ST8SIA1: variants seen among roughly 807,000 people sequenced by gnomAD.
The protein encoded by ST8SIA1 is ST8 alpha-N-acetyl-neuraminide alpha-2,8-sialyltransferase 1, also known as alpha-N-acetylneuraminide alpha-2,8-sialyltransferase.
ST8SIA1 carries 16 observed loss-of-function variants against 35.9 expected under a neutral mutation model. The observed-to-expected ratio is 0.45, with a 90% CI of 0.30 to 0.68. The LOEUF (loss-of-function observed/expected upper bound fraction) is 0.68, where lower values mean the gene tolerates loss of function less well. Among genes scored for constraint, ST8SIA1 ranks in the 30% least tolerant of loss-of-function variants. ST8SIA1 has a pLI of 0.09. For synonymous variants in ST8SIA1, 170 were observed against 169.6 expected (o/e 1.00, Z -0.02); for missense variants, 383 against 453.6 (o/e 0.84, Z 1.41).
chr12:22,264,475 T>G (rs901996439), intron 2 of ST8SIA1, among the ~76,000 whole-genome samples: 1 of 152,182 alleles, frequency 6.6e-6, no homozygotes, highest in African/African-American at 2.4e-5. Context: ...AAAAGCAGTT[T>G]TGGTTCTTTC....
chr12:22,304,149 A>G (rs1056654879), intron 1 of ST8SIA1, among the ~76,000 whole-genome samples: 17 of 152,054 alleles, frequency 1.1e-4, no homozygotes, highest in African/African-American at 3.9e-4. Flanking sequence ...AATAACAGCA[A>G]TTTGTTCCAG....
At chr12:22,238,381 A>G (rs1865499990) in intron 4 of ST8SIA1, among the ~76,000 whole-genome samples, 1 of 152,216 alleles carries the variant, frequency 6.6e-6, no homozygotes, top group Non-Finnish European at 1.5e-5. Flanking sequence ...TCTGGAGTCA[A>G]TCATGCTGTG....
At chr12:22,281,250 T>C (rs1274564705) in intron 2 of ST8SIA1, among the ~76,000 whole-genome samples, 1 of 152,216 alleles carries the variant, frequency 6.6e-6, no homozygotes, top group Non-Finnish European at 1.5e-5. Flanking sequence ...CTCATAATAA[T>C]GATACTGAAA....
At chr12:22,270,911 C>T (rs891942897) in intron 2 of ST8SIA1, among the ~76,000 whole-genome samples, 1 of 152,146 alleles carries the variant, frequency 6.6e-6, no homozygotes, top group East Asian at 1.9e-4. Flanking sequence ...TACAGGTGGT[C>T]ACAGATTCAT....
Position 22,289,020 on chromosome 12 carries a change from A to G in ST8SIA1, c.237-1727T>C, listed in dbSNP as rs544807646. Among the ~76,000 whole-genome samples the G allele has an allele frequency of 5.3e-5, 8 of 152,258 alleles. No individual in the cohort carries two copies. In the South Asian group the frequency reaches 8.3e-4, roughly 16 times the overall value. The stretch of plus-strand genomic sequence containing the variant: ...CTCAGCCTCTCAAATGGTTGGGATA[A>G]CAGGCATGTGCCACCATGCCTGGCT... On this transcript the variant is annotated intron_variant, in intron 1 of 4. Transcript: ENST00000396037.
intron 2 of ST8SIA1, among the ~76,000 whole-genome samples, chr12:22,279,335 G>T (rs1229449856): frequency 1.3e-5 from 2 of 152,156 alleles, no homozygotes; most frequent in Non-Finnish European, 1.5e-5. Context: ...TGCCCTTCCA[G>T]GTCCCTGCCT....
At chr12:22,222,651 CT>C (rs1865312796) in intron 4 of ST8SIA1, among the ~76,000 whole-genome samples, 1 of 151,590 alleles carries the variant, frequency 6.6e-6, no homozygotes, top group Non-Finnish European at 1.5e-5. Context: ...TATACATATA[CT>C]TATATACACT....
rs1017434708 is a variant in ST8SIA1, at chr12:22,199,078, A to G, written c.*2474T>C. ...CAAGTTTGTAAACTAAACATTATAT[A>G]TAAATCTACTGCATAAATCTATCCC... is the stretch of plus-strand genomic sequence containing the variant. On this transcript the variant is annotated 3_prime_UTR_variant, in exon 5 of 5. Coordinates refer to ENST00000396037, the MANE Select transcript of ST8SIA1 (RefSeq NM_003034.4). The G allele has an allele frequency of 6.6e-6, 1 of 152,172 alleles. No individual in the cohort carries two copies. The highest frequency in any genetic ancestry group is 1.5e-5 in the Non-Finnish European group (1 of 68,050). 9.4% of individuals were successfully genotyped at this position (152,172 alleles called of 1,614,324 possible).
chr12:22,257,495 A>G (rs1307167189), intron 2 of ST8SIA1, among the ~76,000 whole-genome samples: 1 of 148,440 alleles, frequency 6.7e-6, no homozygotes, highest in Non-Finnish European at 1.5e-5. Context: ...AAGTGCTGGG[A>G]TTACAGGAGC....
intron 4 of ST8SIA1, among the ~76,000 whole-genome samples, chr12:22,210,585 C>T (rs1865166402): frequency 6.6e-6 from 1 of 152,196 alleles, no homozygotes; most frequent in Non-Finnish European, 1.5e-5. Context: ...ACCCCTTAGA[C>T]ATCAGTTGCA....
chr12:22,278,043 G>T (rs903370456), intron 2 of ST8SIA1, among the ~76,000 whole-genome samples: 9 of 152,158 alleles, frequency 5.9e-5, no homozygotes, highest in African/African-American at 2.2e-4. Flanking sequence ...AGCAGTAGTT[G>T]CTCAATAAGT....
At chr12:22,246,662 T>C (rs1246301674) in intron 4 of ST8SIA1, among the ~76,000 whole-genome samples, 1 of 152,070 alleles carries the variant, frequency 6.6e-6, no homozygotes, top group Non-Finnish European at 1.5e-5. Flanking sequence ...GGGTTTTTTT[T>C]TTCTCTCAGA....
chr12:22,197,021 C>T lies in ST8SIA1; in HGVS notation c.*4531G>A, dbSNP rs566702889. 2 of 152,282 alleles carry T rather than the reference C, an allele frequency of 1.3e-5. No individual in the cohort carries two copies. Among genetic ancestry groups the T allele is most frequent in the Admixed American group, 1.3e-4 (2 of 15,306 alleles). 9.4% of individuals were successfully genotyped at this position (152,282 alleles called of 1,614,324 possible). On this transcript the variant is annotated 3_prime_UTR_variant, in exon 5 of 5. Transcript: ENST00000396037. ...TGGGGATAGGGTCATCTCCTTTCAA[C>T]TTGCCTCACCCTCCTCCTAGCACAT...
chr12:22,268,601 A>C (rs762032773), intron 2 of ST8SIA1: 3 of 152,114 alleles, frequency 2.0e-5, no homozygotes, highest in African/African-American at 4.8e-5. Context: ...AGCGAGAAGA[A>C]GTGCAGAGCG....
rs373792056 is a variant in ST8SIA1, at chr12:22,277,245, T to C, written c.381+9904A>G. Among the ~76,000 whole-genome samples the C allele has an allele frequency of 4.5e-4, 68 of 152,316 alleles. No homozygotes were observed. The South Asian group carries it at 0.014, about 32-fold the overall frequency. ...AGTCTGCCGTTTAGCCACTTGCTCA[T>C]CTGCATGGCAAGTAGTGAAGAGTGA... On this transcript the variant is annotated intron_variant, in intron 2 of 4. Transcript: ENST00000396037.
chr12:22,204,944 C>T (rs558399626), intron 4 of ST8SIA1, among the ~76,000 whole-genome samples: 186 of 152,232 alleles, frequency 1.2e-3, no homozygotes, highest in African/African-American at 4.4e-3. Context: ...TTTGTCTCTC[C>T]AGCCTCATAC....
At chr12:22,210,352 T>A (rs10841979) in intron 4 of ST8SIA1, among the ~76,000 whole-genome samples, 2 of 151,926 alleles carry the variant, frequency 1.3e-5, no homozygotes, top group African/African-American at 4.8e-5. Flanking sequence ...ATGGAGGTAG[T>A]GGTAAGGGTC....
chr12:22,202,440 C>G (rs1475607850), intron 4 of ST8SIA1, among the ~76,000 whole-genome samples: 1 of 152,142 alleles, frequency 6.6e-6, no homozygotes. Context: ...TCTTCATCTG[C>G]AAATCAAAGG....
At chr12:22,280,434 C>T (rs571001367) in intron 2 of ST8SIA1, among the ~76,000 whole-genome samples, 3 of 152,282 alleles carry the variant, frequency 2.0e-5, no homozygotes, top group East Asian at 3.9e-4. Flanking sequence ...GTCAGGCCTA[C>T]GGGATGAGAT....
Sources: gnomAD v4.1 joint callset for allele counts (sites outside exome capture counted in the v4.1 genomes callset) on GRCh38, gnomAD v4.1.1 for gene constraint, MANE v1.5 for transcripts, NCBI Gene and HGNC (gene_info 2026-07-23, HGNC 2026-07-21) for gene names.